HELLS: variants seen among roughly 807,000 people sequenced by gnomAD.
HELLS encodes the protein lymphoid-specific helicase.
HELLS carries 32 observed loss-of-function variants against 120.0 expected under a neutral mutation model. The observed-to-expected ratio is 0.27, with a 90% confidence interval of 0.20 to 0.36. HELLS has a LOEUF of 0.36. HELLS is among the 10% of genes least tolerant of loss of function. The pLI is 1.00. For missense variants in HELLS, 650 were observed against 993.4 expected, an observed-to-expected ratio of 0.65 and a Z score of 4.65; for synonymous variants, 341 against 323.4, an observed-to-expected ratio of 1.05 and a Z score of -0.58.
intron 12 of HELLS, among the ~76,000 whole-genome samples, chr10:94,585,213 A>G (rs961873868): frequency 2.2e-4 from 33 of 151,784 alleles, no homozygotes; most frequent in Non-Finnish European, 1.5e-5. Flanking sequence ...ATTATTTAAA[A>G]TTTTTTATTT....
Position 94,554,238 on chromosome 10 carries a change from A to G in HELLS, c.266A>G (p.Gln89Arg). The G allele has an allele frequency of 6.4e-7, 1 of 1,566,522 alleles. No homozygotes were observed. The highest frequency in any genetic ancestry group is 2.2e-5 in the Admixed American group (1 of 46,272). The part of the protein sequence containing the change: ...SKFLLTKMEQ[Q>R]QLEEQKKKEK... ...TTTTTATTGACGAAAATGGAACAGC[A>G]ACAATTAGAGGTATGTATATGTAAC... is the stretch of plus-strand genomic sequence containing the variant. Residue 89 changes from glutamine (Q) to arginine (R), a missense_variant, in exon 3 of 22, where the codon CAA becomes CGA. Transcript: ENST00000348459.
chr10:94,546,067 A>C, intron 1 of HELLS, 115 bp downstream of exon 1: 1 of 1,232,106 alleles, frequency 8.1e-7, no homozygotes, highest in Non-Finnish European at 1.2e-6. Flanking sequence ...GGGACTGAGG[A>C]GGAAAGGAGG....
At position 94,553,991 on chromosome 10, in the gene HELLS, ATTTG is replaced by A. The variant is rs1843114796; in HGVS notation, c.154-132_154-129del. The stretch of plus-strand genomic sequence containing the variant: ...AAAAACTATTTTTTTTTTAACAGTT[ATTTG>A]TTCCAGTTTTTGGTTTGAAAGTGTT... On this transcript the variant is annotated intron_variant, in intron 2 of 21. Coordinates refer to ENST00000348459, the MANE Select transcript of HELLS (RefSeq NM_018063.5). 1.4e-5 allele frequency: 10 copies of A among 727,680 alleles called. No individual in the cohort carries two copies. The South Asian group carries it at 1.6e-4, about 11-fold the overall frequency. 45.1% of individuals were successfully genotyped at this position (727,680 alleles called of 1,614,324 possible).
intron 6 of HELLS, among the ~76,000 whole-genome samples, chr10:94,567,810 A>G (rs4918404): frequency 0.48 from 72,181 of 151,524 alleles, 17,687 homozygotes; most frequent in East Asian, 0.78. Flanking sequence ...CAGGAGGCTG[A>G]GGTGAGAGGA....
rs987075674 is a variant in HELLS at position 94,587,235 on chromosome 10, ATTAAAAAATTTTTAATTT to A, written c.1327-985_1327-968del. ...TTACTGAGTCTTAAAACCTCATTCTATTAAAAAATTTTTAATTTTTAAAAAAACTTTTAGTTTTTTGGG... is the reference window on the plus strand; with the variant it reads ...TTACTGAGTCTTAAAACCTCATTCTATTAAAAAAACTTTTAGTTTTTTGGG... On this transcript the variant is annotated intron_variant, in intron 12 of 21. Transcript: ENST00000348459. Among the ~76,000 whole-genome samples the A allele has an allele frequency of 6.6e-5, 10 of 152,254 alleles. No homozygotes were observed. The East Asian group carries it at 1.4e-3, about 21-fold the overall frequency.
At chr10:94,609,358 A>G (rs886580648) in intron 9 of HELLS, among the ~76,000 whole-genome samples, 2 of 152,100 alleles carry the variant, frequency 1.3e-5, no homozygotes, top group African/African-American at 4.8e-5. Flanking sequence ...TTAGCATTTC[A>G]TTAGCTTCTC....
chr10:94,596,770 C>A (rs1394533009), intron 19 of HELLS, 90 bp from the exon 20 acceptor site: 6 of 684,928 alleles, frequency 8.8e-6, no homozygotes, highest in Admixed American at 7.7e-5. Flanking sequence ...TGCCGTCCTT[C>A]TTAATGCAAG....
chr10:94,579,201 CTT>C (rs11431624), intron 10 of HELLS, among the ~76,000 whole-genome samples: 12 of 133,838 alleles, frequency 9.0e-5, no homozygotes, highest in Admixed American at 3.8e-4. Context: ...CTACTTTTTT[CTT>C]TTTTTTTTTT....
chr10:94,578,872 C>T (rs1179101368), intron 10 of HELLS, among the ~76,000 whole-genome samples: 1 of 151,476 alleles, frequency 6.6e-6, no homozygotes, highest in East Asian at 1.9e-4. Flanking sequence ...GTTCATGCTC[C>T]TATGAGAATA....
intron 10 of HELLS, 44 bp from the exon 11 acceptor site, chr10:94,581,282 T>C (rs534563245): frequency 8.3e-7 from 1 of 1,207,106 alleles, no homozygotes; most frequent in African/African-American, 1.5e-5. Flanking sequence ...AGAAAAATTG[T>C]GAGATCATTG....
chr10:94,545,994 G>A (rs1842735692), intron 1 of HELLS, 42 bp downstream of exon 1: 2 of 1,550,002 alleles, frequency 1.3e-6, no homozygotes, highest in Non-Finnish European at 1.7e-6. Context: ...GCAGCCTGCG[G>A]GGCTGAGGTG....
At chr10:94,559,360 A>G (rs1043551164) in intron 4 of HELLS, among the ~76,000 whole-genome samples, 1 of 152,120 alleles carries the variant, frequency 6.6e-6, no homozygotes, top group African/African-American at 2.4e-5. Flanking sequence ...CCATATGGAG[A>G]AAGTATGTCT....
Position 94,601,757 on chromosome 10 carries a change from T to C in HELLS, c.*135T>C. On this transcript the variant is annotated 3_prime_UTR_variant, in exon 22 of 22. Coordinates refer to ENST00000348459, the MANE Select transcript of HELLS (RefSeq NM_018063.5). Reference sequence around the variant, plus strand: ...ACATGTAACTAGTACCATGCGTACTTAAATAGATGGTAATTTTCTGAGCCT... The same window carrying C: ...ACATGTAACTAGTACCATGCGTACTCAAATAGATGGTAATTTTCTGAGCCT... The C allele has an allele frequency of 2.0e-6, 1 of 505,610 alleles. No homozygotes were observed. Among genetic ancestry groups the C allele is most frequent in the Non-Finnish European group, 3.5e-6 (1 of 284,842 alleles). 31.3% of individuals were successfully genotyped at this position (505,610 alleles called of 1,614,324 possible). A position where few individuals can be genotyped will look rare whatever the true frequency, so the allele number is the denominator to read the frequency against.
intron 9 of HELLS, 54 bp from the exon 10 acceptor site, chr10:94,576,608 C>T: frequency 1.1e-6 from 1 of 913,012 alleles, no homozygotes; most frequent in Non-Finnish European, 1.6e-6. Flanking sequence ...TCTAAATAGT[C>T]AATATTTACA....
chr10:94,597,867 CTGA>C (rs1185575779), intron 21 of HELLS, among the ~76,000 whole-genome samples: 1 of 152,086 alleles, frequency 6.6e-6, no homozygotes, highest in Non-Finnish European at 1.5e-5. Flanking sequence ...TTGAAAGTGG[CTGA>C]TAAGAACCAT....
intron 6 of HELLS, among the ~76,000 whole-genome samples, chr10:94,564,224 G>A (rs1843684465): frequency 6.6e-6 from 1 of 152,206 alleles, no homozygotes; most frequent in South Asian, 2.1e-4. Context: ...GCAAGGAACT[G>A]TGGAAACAAC....
At chr10:94,608,736 G>A (rs1846156008) in intron 9 of HELLS, among the ~76,000 whole-genome samples, 1 of 151,776 alleles carries the variant, frequency 6.6e-6, no homozygotes, top group African/African-American at 2.4e-5. Flanking sequence ...CTCTCACTGA[G>A]CCTTCTGAGC....
chr10:94,583,186 A>T, intron 12 of HELLS, 127 bp downstream of exon 12: 1 of 466,282 alleles, frequency 2.1e-6, no homozygotes, highest in Middle Eastern at 3.2e-4. Context: ...CATTTAAATG[A>T]CTCCTTTGTC....
At chr10:94,608,990 A>C (rs1268580554) in intron 9 of HELLS, among the ~76,000 whole-genome samples, 3 of 123,128 alleles carry the variant, frequency 2.4e-5, no homozygotes, top group African/African-American at 6.2e-5. Flanking sequence ...CTTGATTTAC[A>C]CTTTTTGTCT....
Sources: allele counts gnomAD v4.1 joint callset (sites outside exome capture counted in the v4.1 genomes callset), GRCh38; gene constraint gnomAD v4.1.1; transcripts MANE v1.5; gene names NCBI Gene and HGNC (gene_info 2026-07-23, HGNC 2026-07-21).